The following WNT7B variants were observed in gnomAD, a reference collection of about 807,000 sequenced individuals.
WNT7B encodes the protein Wnt family member 7B, also known as protein Wnt-7b.
A neutral mutation model predicts 38.2 loss-of-function variants in WNT7B; 19 were observed. The observed-to-expected ratio is 0.50, with a 90% CI of 0.35 to 0.73. The LOEUF (loss-of-function observed/expected upper bound fraction) is 0.73, where lower values mean the gene tolerates loss of function less well. Ranked by LOEUF, WNT7B falls within the 30% of genes least tolerant of loss-of-function variation. WNT7B has a pLI of 0.01. For synonymous variants in WNT7B, 243 were observed against 209.3 expected (o/e 1.16, Z -1.39); for missense variants, 423 against 507.9 (o/e 0.83, Z 1.61).
chr22:45,925,922 T>C, intron 3 of WNT7B: 1 of 985,396 alleles, frequency 1.0e-6, no homozygotes, highest in Non-Finnish European at 1.2e-6. Flanking sequence ...GTGCTCCTGC[T>C]GTGGCCCAGG....
At chr22:45,929,362 A>G (rs62226029) in intron 3 of WNT7B, among the ~76,000 whole-genome samples, 3 of 151,832 alleles carry the variant, frequency 2.0e-5, no homozygotes, top group Non-Finnish European at 2.9e-5. Context: ...TTATCCATCC[A>G]TCTATTCACC....
At chr22:45,935,723 C>T in intron 2 of WNT7B, 1 of 804,718 alleles carries the variant, frequency 1.2e-6, no homozygotes, top group South Asian at 5.6e-5. Context: ...TCCCCCACAC[C>T]ACCTTATCTC....
intron 3 of WNT7B, chr22:45,926,696 CCCTAAG>C (rs386821955): frequency 1.0e-5 from 10 of 980,424 alleles, no homozygotes; most frequent in Non-Finnish European, 1.1e-5. Context: ...CGGTCCCTGC[CCCTAAG>C]TAAGTGTGGC....
In WNT7B at chr22:45,923,118, G is replaced by A. The variant is rs1930977508; in HGVS notation, c.788C>T (p.Pro263Leu). ...RIKQLRSYQK[P>L]METDLVYIEK... ...AATGTACACCAGGTCTGTCTCCATG[G>A]GCTTCTGATAGCTGCGCAGCTGTTT... The change falls in exon 4 of 4, where the codon CCC becomes CTC. Residue 263 changes from proline (P) to leucine (L), a missense_variant. Physicochemically the swap from Pro to Leu is moderately conservative, Grantham distance 98 (BLOSUM62 -3). Transcript: ENST00000339464. 1.9e-6 allele frequency: 3 copies of A among 1,613,580 alleles called. No homozygotes were observed. In the African/African-American group the frequency reaches 4.0e-5, roughly 22 times the overall value.
chr22:45,968,750 G>T (rs567613250), intron 1 of WNT7B, among the ~76,000 whole-genome samples: 2 of 152,236 alleles, frequency 1.3e-5, no homozygotes, highest in East Asian at 3.9e-4. Flanking sequence ...TCCAGTGGGG[G>T]GTCCCCAGTT....
Position 45,923,188 on chromosome 22 carries a change from C to A in WNT7B, c.718G>T (p.Val240Leu). Residue 240 changes from valine (V) to leucine (L), a missense_variant, in exon 4 of 4, where the codon GTG becomes TTG. Transcript: ENST00000339464. ...TGCCGCAGACGGCTGGCCCGCACCA[C>A]CTCCACCTGCACGGCCGCGTTGTAC... ...EKYNAAVQVE[V>L]VRASRLRQPT... 1 of 1,613,192 alleles carries A rather than the reference C, an allele frequency of 6.2e-7. No individual in the cohort carries two copies. Among genetic ancestry groups the A allele is most frequent in the Non-Finnish European group, 8.5e-7 (1 of 1,180,014 alleles).
intron 3 of WNT7B, among the ~76,000 whole-genome samples, chr22:45,929,211 G>A (rs1438752022): frequency 1.3e-5 from 2 of 152,166 alleles, no homozygotes; most frequent in Admixed American, 6.5e-5. Context: ...CCTCCAGGTA[G>A]GTGAACCACA....
Position 45,941,808 on chromosome 22 carries a change from G to A in WNT7B, c.298+8112C>T, listed in dbSNP as rs139817354. Among the ~76,000 whole-genome samples, 1,056 of 152,348 alleles carry A rather than the reference G, an allele frequency of 6.9e-3. 3 individuals carry two copies. The highest frequency in any genetic ancestry group is 0.015 in the African/African-American group (603 of 41,584). On this transcript the variant is annotated intron_variant, in intron 2 of 3. Coordinates refer to ENST00000339464, the MANE Select transcript of WNT7B (RefSeq NM_058238.3). ...ACCCTGGCCAAGGCCGTCACTCCTC[G>A]AGCCTCAGCTTCCCATTACCATGGG...
chr22:45,929,634 A>ATACT (rs1569111137), intron 3 of WNT7B, among the ~76,000 whole-genome samples: 1,730 of 116,634 alleles, frequency 0.015, 53 homozygotes, highest in African/African-American at 0.058. Context: ...CCTTCCATCC[A>ATACT]TGCATCCACT....
At chr22:45,953,078 A>G (rs943731209) in intron 1 of WNT7B, among the ~76,000 whole-genome samples, 9 of 152,130 alleles carry the variant, frequency 5.9e-5, no homozygotes, top group African/African-American at 2.2e-4. Context: ...CGCGGTGGGC[A>G]CTGGTTTTGC....
chr22:45,969,615 G>A (rs1932388024), intron 1 of WNT7B, among the ~76,000 whole-genome samples: 1 of 152,242 alleles, frequency 6.6e-6, no homozygotes, highest in Non-Finnish European at 1.5e-5. Context: ...TAGCAGGGGC[G>A]CAGGGCGCTT....
chr22:45,935,718 C>G (rs146075083), intron 2 of WNT7B: 8 of 767,732 alleles, frequency 1.0e-5, no homozygotes, highest in Admixed American at 6.2e-5. Context: ...GCACCTCCCC[C>G]ACACCACCTT....
At chr22:45,930,751 C>T (rs886777500) in intron 3 of WNT7B, among the ~76,000 whole-genome samples, 10 of 152,208 alleles carry the variant, frequency 6.6e-5, no homozygotes, top group East Asian at 1.9e-4. Flanking sequence ...GGACCAGGAA[C>T]GCCAAGGGCA....
At chr22:45,926,870 G>A (rs541262937) in intron 3 of WNT7B, 21 of 985,432 alleles carry the variant, frequency 2.1e-5, no homozygotes, top group Admixed American at 1.2e-4. Flanking sequence ...AGGATCCGGC[G>A]CTCCCATTAG....
rs1200686224 is a variant in WNT7B at position 45,922,933 on chromosome 22, T to G, written c.973A>C (p.Asn325His). The G allele has an allele frequency of 6.2e-7, 1 of 1,613,000 alleles. No individual in the cohort carries two copies. Among genetic ancestry groups the G allele is most frequent in the Admixed American group, 1.7e-5 (1 of 60,028 alleles). ...THQYTKVWQC[N>H]CKFHWCCFVK... is the part of the protein sequence containing the mutation. ...AAGCAGCACCAGTGGAATTTGCAGT[T>G]GCACTGCCACACCTTGGTGTACTGG... Residue 325 changes from asparagine (N) to histidine (H), a missense_variant, in exon 4 of 4, where the codon AAC (asparagine) becomes CAC (histidine). Physicochemically the swap from Asn to His is moderately conservative, Grantham distance 68. Around this residue, in one of 3 missense-constraint regions of WNT7B, gnomAD observed 158 missense variants for 214.7 expected, o/e 0.74. Coordinates refer to ENST00000339464, the MANE Select transcript of WNT7B (RefSeq NM_058238.3).
At position 45,931,106 on chromosome 22, in the gene WNT7B, C is replaced by T. The variant is rs1158594747; in HGVS notation, c.562G>A (p.Gly188Ser). Residue 188 changes from glycine (G) to serine (S), a missense_variant, in exon 3 of 4, where the codon GGC becomes AGC. Gly to Ser is a moderately conservative substitution (Grantham distance 56, BLOSUM62 0). Around this residue, in one of 3 missense-constraint regions of WNT7B, gnomAD observed 132 missense variants for 113.4 expected, o/e 1.16. Transcript: ENST00000339464. ...CCGCACCCGCACCCTACCTTCCTGCCGGCCTCATTGTTATGCAGGTTCATG... is the reference window on the plus strand; with the variant it reads ...CCGCACCCGCACCCTACCTTCCTGCTGGCCTCATTGTTATGCAGGTTCATG... ...RLMNLHNNEA[G>S]RKVLEDRMQL... 10 of 1,576,856 alleles carry T rather than the reference C, an allele frequency of 6.3e-6. No homozygotes were observed. The highest frequency in any genetic ancestry group is 1.1e-5 in the South Asian group (1 of 89,088).
chr22:45,953,266 C>T (rs1250780849), intron 1 of WNT7B, among the ~76,000 whole-genome samples: 1 of 149,564 alleles, frequency 6.7e-6, no homozygotes, highest in Non-Finnish European at 1.5e-5. Flanking sequence ...GGCTTCCCCT[C>T]ACAGTCACCG....
At chr22:45,943,235 C>T (rs1025688845) in intron 2 of WNT7B, among the ~76,000 whole-genome samples, 1 of 152,216 alleles carries the variant, frequency 6.6e-6, no homozygotes, top group African/African-American at 2.4e-5. Flanking sequence ...CAGCCCCACC[C>T]GGACCCCACC....
At chr22:45,962,626 T>G (rs1047244121) in intron 1 of WNT7B, among the ~76,000 whole-genome samples, 5 of 152,216 alleles carry the variant, frequency 3.3e-5, no homozygotes, top group African/African-American at 9.7e-5. Context: ...GAAATTCAGC[T>G]ATGCCCTTCC....
Sources: gnomAD v4.1 joint callset for allele counts (sites outside exome capture counted in the v4.1 genomes callset) on GRCh38, gnomAD v4.1.1 for gene constraint, gnomAD v4.1.1 regional missense constraint, MANE v1.5 for transcripts, NCBI Gene and HGNC (gene_info 2026-07-23, HGNC 2026-07-21) for gene names.